DEPTOR: variants seen among roughly 807,000 people sequenced by gnomAD.
DEPTOR encodes DEP domain-containing mTOR-interacting protein.
A neutral mutation model predicts 41.6 loss-of-function variants in DEPTOR; 41 were observed. The observed-to-expected ratio is 0.98, with a 90% CI of 0.77 to 1.28. The LOEUF is 1.28. Among genes scored for constraint, DEPTOR ranks in the 50% most tolerant of loss-of-function variants. DEPTOR has a pLI of 0.00. For missense variants in DEPTOR, 514 were observed against 527.9 expected, an observed-to-expected ratio of 0.97 and a Z score of 0.26; for synonymous variants, 195 against 192.3, an observed-to-expected ratio of 1.01 and a Z score of -0.12.
chr8:119,910,131 A>G (rs1827718566), intron 1 of DEPTOR, among the ~76,000 whole-genome samples: 1 of 152,266 alleles, frequency 6.6e-6, no homozygotes, highest in Non-Finnish European at 1.5e-5. Flanking sequence ...ATATACAGGC[A>G]TATACCAAGA....
chr8:119,967,888 G>T (rs909127278), intron 4 of DEPTOR, among the ~76,000 whole-genome samples: 1 of 152,102 alleles, frequency 6.6e-6, no homozygotes, highest in Non-Finnish European at 1.5e-5. Flanking sequence ...CTGTGTATTG[G>T]AGTCAAATAT....
chr8:119,991,094 T>TTCTTTCTTTCTTTTTTTTTAAAA (rs1812165026), intron 4 of DEPTOR, among the ~76,000 whole-genome samples: 2 of 120,640 alleles, frequency 1.7e-5, no homozygotes, highest in South Asian at 2.6e-4. Flanking sequence ...TTCTTTTTCT[T>TTCTTTCTTTCTTTTTTTTTAAAA]TCTTTCTTTC....
At chr8:119,897,425 C>T (rs7814520) in intron 1 of DEPTOR, among the ~76,000 whole-genome samples, 75,618 of 151,802 alleles carry the variant, frequency 0.5, 20,551 homozygotes, top group East Asian at 0.92. Context: ...CCCAGCTACT[C>T]GGGAGGCTGA....
chr8:120,003,050 C>T lies in DEPTOR; in HGVS notation c.864C>T (p.Gly288=), dbSNP rs1026835119. ...RSSMSSCGSS[G]YFSSSPTLSS... Reference sequence around the variant, plus strand: ...GCATGAGCAGCTGTGGCAGCAGCGGCTACTTCAGCAGCAGCCCCACCCTCA... The same window carrying T: ...GCATGAGCAGCTGTGGCAGCAGCGGTTACTTCAGCAGCAGCCCCACCCTCA... Residue 288 remains glycine (G), a synonymous_variant, in exon 6 of 9, where the codon GGC becomes GGT. Transcript: ENST00000286234. The T allele has an allele frequency of 1.3e-5, 21 of 1,611,446 alleles. No homozygotes were observed. Among genetic ancestry groups the T allele is most frequent in the Non-Finnish European group, 1.8e-5 (21 of 1,179,438 alleles).
intron 6 of DEPTOR, among the ~76,000 whole-genome samples, chr8:120,004,669 T>C (rs1007735630): frequency 1.3e-5 from 2 of 152,200 alleles, no homozygotes; most frequent in Non-Finnish European, 2.9e-5. Context: ...AAGAGTTTAC[T>C]GTTATGCAGG....
chr8:119,883,823 A>G (rs1827330427), intron 1 of DEPTOR, among the ~76,000 whole-genome samples: 1 of 152,084 alleles, frequency 6.6e-6, no homozygotes, highest in South Asian at 2.1e-4. Flanking sequence ...GTAGGTATCT[A>G]TGTCTTGGCC....
chr8:120,036,271 T>C (rs1039579095), intron 8 of DEPTOR, among the ~76,000 whole-genome samples: 1 of 152,254 alleles, frequency 6.6e-6, no homozygotes, highest in Non-Finnish European at 1.5e-5. Context: ...TTAATGCTAC[T>C]TATTGTTGTT....
chr8:119,956,390 A>G (rs993833722), intron 3 of DEPTOR, among the ~76,000 whole-genome samples: 1 of 152,242 alleles, frequency 6.6e-6, no homozygotes, highest in African/African-American at 2.4e-5. Flanking sequence ...CCAGGCAGGC[A>G]TGCCAGCTGG....
chr8:119,962,086 CAAAAAAAAAA>C (rs772605916), intron 3 of DEPTOR, among the ~76,000 whole-genome samples: 6 of 48,198 alleles, frequency 1.2e-4, no homozygotes, highest in African/African-American at 2.5e-4. Context: ...ACTAAAAATA[CAAAAAAAAAA>C]AAAAAAAAAA....
At position 120,009,097 on chromosome 8, in the gene DEPTOR, A is replaced by G; in HGVS notation, c.1065A>G (p.Val355=). 6.2e-7 allele frequency: 1 copy of G among 1,614,046 alleles called. No individual in the cohort carries two copies. The highest frequency in any genetic ancestry group is 8.5e-7 in the Non-Finnish European group (1 of 1,179,980). ...RGSKPCHIQA[V]DPSGPAAAAG... is the part of the protein sequence containing the mutation. ...GTAAGCCATGCCACATCCAGGCTGTAGACCCCAGTGGCCCTGCAGCCGCAG... is the reference window on the plus strand; with the variant it reads ...GTAAGCCATGCCACATCCAGGCTGTGGACCCCAGTGGCCCTGCAGCCGCAG... Residue 355 remains valine (V), a synonymous_variant, in exon 8 of 9, where the codon GTA becomes GTG. Transcript: ENST00000286234.
intron 3 of DEPTOR, among the ~76,000 whole-genome samples, chr8:119,932,203 T>C (rs1324182523): frequency 2.0e-5 from 3 of 152,170 alleles, no homozygotes; most frequent in Admixed American, 2.0e-4. Context: ...CAGGCTGATA[T>C]CAAACTCTGG....
chr8:120,020,769 A>G (rs1325834634), intron 8 of DEPTOR, among the ~76,000 whole-genome samples: 3 of 152,176 alleles, frequency 2.0e-5, no homozygotes, highest in Non-Finnish European at 4.4e-5. Flanking sequence ...CACCTTTAAA[A>G]TGATGCTGGC....
At chr8:119,990,114 G>A (rs1219417543) in intron 4 of DEPTOR, among the ~76,000 whole-genome samples, 7 of 152,110 alleles carry the variant, frequency 4.6e-5, no homozygotes, top group Non-Finnish European at 1.0e-4. Flanking sequence ...AACAGTAGAG[G>A]TTCTTTCTAG....
intron 3 of DEPTOR, among the ~76,000 whole-genome samples, chr8:119,952,585 T>C (rs1464277): frequency 0.42 from 63,180 of 152,104 alleles, 13,564 homozygotes; most frequent in Admixed American, 0.55. Flanking sequence ...GCCCTCCCAC[T>C]GCTACTGGCC....
intron 1 of DEPTOR, chr8:119,874,496 G>A (rs748579111): frequency 1.2e-5 from 2 of 161,574 alleles, no homozygotes; most frequent in Non-Finnish European, 1.3e-5. Context: ...TGTAAAACAG[G>A]GCTGATTCAA....
intron 1 of DEPTOR, among the ~76,000 whole-genome samples, chr8:119,919,139 A>G (rs1586614537): frequency 1.3e-5 from 2 of 152,224 alleles, no homozygotes; most frequent in African/African-American, 4.8e-5. Flanking sequence ...GCAAAACTAC[A>G]TGAAATGTGT....
chr8:120,013,871 A>G (rs1192114681), intron 8 of DEPTOR, among the ~76,000 whole-genome samples: 2 of 139,232 alleles, frequency 1.4e-5, no homozygotes, highest in Non-Finnish European at 3.0e-5. Flanking sequence ...ATGGAGTTTC[A>G]CTCTCGTCGC....
chr8:120,036,816 A>G (rs1436272075), intron 8 of DEPTOR, among the ~76,000 whole-genome samples: 2 of 152,286 alleles, frequency 1.3e-5, no homozygotes, highest in East Asian at 3.9e-4. Flanking sequence ...TTCAGTTCTA[A>G]AGCAACTTGG....
Position 119,873,814 on chromosome 8 carries a change from C to T in DEPTOR, c.-33C>T. ...GAGCACCCAAACCCTCGGCGGACAGCGGAGCCAGTGGTAGCCGCACGGCCC... is the reference window on the plus strand; with the variant it reads ...GAGCACCCAAACCCTCGGCGGACAGTGGAGCCAGTGGTAGCCGCACGGCCC... On this transcript the variant is annotated 5_prime_UTR_variant, in exon 1 of 9. Transcript: ENST00000286234. 6.2e-7 allele frequency: 1 copy of T among 1,606,180 alleles called. No individual in the cohort carries two copies. The highest frequency in any genetic ancestry group is 8.5e-7 in the Non-Finnish European group (1 of 1,176,194).
Sources: gnomAD v4.1 joint callset for allele counts (sites outside exome capture counted in the v4.1 genomes callset) on GRCh38, gnomAD v4.1.1 for gene constraint, MANE v1.5 for transcripts, NCBI Gene and HGNC (gene_info 2026-07-23, HGNC 2026-07-21) for gene names.